Variants in TBC1D32 observed in about 807,000 individuals in gnomAD.
TBC1D32 encodes TBC1 domain family member 32, also known as protein broad-minded.
A neutral mutation model predicts 170.3 loss-of-function variants in TBC1D32; 151 were observed. The ratio of observed to expected loss-of-function variants is 0.89; its 90% CI spans 0.78 to 1.01. The LOEUF (loss-of-function observed/expected upper bound fraction) is 1.01, where lower values mean the gene tolerates loss of function less well. Ranked by LOEUF, TBC1D32 falls within the 50% of genes least tolerant of loss-of-function variation. The pLI, the probability that TBC1D32 is intolerant of heterozygous loss-of-function variation, is 0.00. For synonymous variants in TBC1D32, 498 were observed against 488.0 expected (o/e 1.02, Z -0.27); for missense variants, 1,464 against 1,457.1 (o/e 1.00, Z -0.08).
At chr6:121,300,744 G>C (rs1352845668) in intron 9 of TBC1D32, among the ~76,000 whole-genome samples, 6 of 152,126 alleles carry the variant, frequency 3.9e-5, no homozygotes, top group Non-Finnish European at 8.8e-5. Context: ...TCATCAGAGT[G>C]AACAGGCAGC....
intron 15 of TBC1D32, among the ~76,000 whole-genome samples, chr6:121,273,443 G>A (rs1317132677): frequency 6.6e-6 from 1 of 151,320 alleles, no homozygotes; most frequent in Non-Finnish European, 1.5e-5. Flanking sequence ...TGAACAATGA[G>A]AACACTTGGA....
chr6:121,255,525 A>AATTAT (rs1563099804), intron 16 of TBC1D32, 115 bp from the exon 17 acceptor site: 1 of 253,648 alleles, frequency 3.9e-6, no homozygotes. Context: ...TATATTTTAT[A>AATTAT]TTTCTTACTG....
intron 22 of TBC1D32, among the ~76,000 whole-genome samples, chr6:121,177,095 G>A (rs1359944108): frequency 6.6e-6 from 1 of 152,108 alleles, no homozygotes; most frequent in African/African-American, 2.4e-5. Flanking sequence ...GTGTGAATAA[G>A]TGTAAGGAAA....
At chr6:121,224,002 G>A (rs1224838900) in intron 20 of TBC1D32, among the ~76,000 whole-genome samples, 1 of 152,090 alleles carries the variant, frequency 6.6e-6, no homozygotes, top group African/African-American at 2.4e-5. Context: ...TGCTGTGGTT[G>A]CCCATCACTA....
At chr6:121,128,248 A>C (rs1318330638) in intron 25 of TBC1D32, among the ~76,000 whole-genome samples, 1 of 152,186 alleles carries the variant, frequency 6.6e-6, no homozygotes, top group Non-Finnish European at 1.5e-5. Flanking sequence ...ACAGCAACAT[A>C]TATTTTCAGG....
At chr6:121,252,921 C>T (rs955893310) in intron 17 of TBC1D32, among the ~76,000 whole-genome samples, 4 of 151,976 alleles carry the variant, frequency 2.6e-5, no homozygotes, top group African/African-American at 7.3e-5. Context: ...AAGAAAGAAC[C>T]AGATCCTCAT....
intron 17 of TBC1D32, among the ~76,000 whole-genome samples, chr6:121,245,582 T>C (rs1364067115): frequency 1.3e-5 from 2 of 152,128 alleles, no homozygotes; most frequent in Admixed American, 1.3e-4. Context: ...TCTGTGATAA[T>C]GGTCTTGGAG....
intron 10 of TBC1D32, 56 bp from the exon 11 acceptor site, chr6:121,294,716 T>C (rs548439513): frequency 2.1e-5 from 27 of 1,277,604 alleles, no homozygotes; most frequent in Non-Finnish European, 2.7e-5. Flanking sequence ...AGTCCAAGAA[T>C]TAAAAGAAAT....
At chr6:121,229,319 T>C (rs1387393514) in intron 20 of TBC1D32, among the ~76,000 whole-genome samples, 1 of 152,162 alleles carries the variant, frequency 6.6e-6, no homozygotes, top group African/African-American at 2.4e-5. Context: ...ATATGTCATT[T>C]AAAGTTTCTT....
chr6:121,272,281 T>A (rs1218999086), intron 15 of TBC1D32, among the ~76,000 whole-genome samples: 1 of 152,040 alleles, frequency 6.6e-6, no homozygotes, highest in African/African-American at 2.4e-5. Context: ...CTAAGGAGCT[T>A]CTGCACAGCA....
chr6:121,085,322 T>TATATATACATACATATATATACATAC (rs1406708308), intron 31 of TBC1D32, among the ~76,000 whole-genome samples: 1 of 100,760 alleles, frequency 9.9e-6, no homozygotes, highest in African/African-American at 5.1e-5. Flanking sequence ...TATATACACA[T>TATATATACATACATATATATACATAC]ATATATATAC....
intron 17 of TBC1D32, among the ~76,000 whole-genome samples, chr6:121,249,422 C>T (rs1798017316): frequency 6.6e-6 from 1 of 151,918 alleles, no homozygotes; most frequent in Non-Finnish European, 1.5e-5. Flanking sequence ...AGGATACCCA[C>T]TTTCACCACT....
At chr6:121,176,163 C>A (rs1481116545) in intron 22 of TBC1D32, among the ~76,000 whole-genome samples, 3 of 151,938 alleles carry the variant, frequency 2.0e-5, no homozygotes, top group Non-Finnish European at 4.4e-5. Context: ...TGAGTTTTAA[C>A]AAGCAGTGAA....
intron 10 of TBC1D32, among the ~76,000 whole-genome samples, chr6:121,296,960 A>G (rs1459815969): frequency 6.6e-6 from 1 of 151,788 alleles, no homozygotes; most frequent in Non-Finnish European, 1.5e-5. Context: ...TTAGAAATCC[A>G]CCCTCCTTGC....
At chr6:121,118,335 ATACT>A (rs1396914400) in intron 26 of TBC1D32, among the ~76,000 whole-genome samples, 1 of 152,226 alleles carries the variant, frequency 6.6e-6, no homozygotes, top group Non-Finnish European at 1.5e-5. Flanking sequence ...GTATAGCATC[ATACT>A]TACCCACTTA....
intron 1 of TBC1D32, among the ~76,000 whole-genome samples, chr6:121,333,526 G>A (rs1237640156): frequency 2.0e-5 from 3 of 151,986 alleles, no homozygotes; most frequent in East Asian, 3.9e-4. Flanking sequence ...ATCTCACTTC[G>A]GTATTCCCTT....
intron 12 of TBC1D32, among the ~76,000 whole-genome samples, chr6:121,291,122 A>T (rs2128462390): frequency 6.6e-6 from 1 of 152,166 alleles, no homozygotes; most frequent in Non-Finnish European, 1.5e-5. Context: ...CACGTTGTGC[A>T]CATGTACCCT....
At position 121,288,855 on chromosome 6, in the gene TBC1D32, A is replaced by G. The variant is rs191644539; in HGVS notation, c.1372+3198T>C. Among the ~76,000 whole-genome samples the G allele has an allele frequency of 9.0e-4, 137 of 152,268 alleles. 1 individual carries two copies. The highest frequency in any genetic ancestry group is 3.0e-3 in the African/African-American group (124 of 41,560). On this transcript the variant is annotated intron_variant, in intron 12 of 31. Transcript: ENST00000398212. ...GATGCAAGGCTGGTTCAACATACAC[A>G]AATCAATAAACGTAATCCAGCATAT... is the stretch of plus-strand genomic sequence containing the variant.
chr6:121,147,223 G>T (rs575449560), intron 24 of TBC1D32, among the ~76,000 whole-genome samples: 35 of 152,074 alleles, frequency 2.3e-4, no homozygotes, highest in Non-Finnish European at 5.0e-4. Flanking sequence ...ATCCACAATT[G>T]TTGGGCACCT....
Sources: allele counts gnomAD v4.1 joint callset (sites outside exome capture counted in the v4.1 genomes callset), GRCh38; gene constraint gnomAD v4.1.1; transcripts MANE v1.5; gene names NCBI Gene and HGNC (gene_info 2026-07-23, HGNC 2026-07-21).